KLHL18: variants seen among roughly 807,000 people sequenced by gnomAD.
The protein encoded by KLHL18 is kelch-like protein 18.
KLHL18 carries 38 observed loss-of-function variants against 58.5 expected under a neutral mutation model. The ratio of observed to expected loss-of-function variants is 0.65; its 90% CI spans 0.50 to 0.85. The LOEUF (loss-of-function observed/expected upper bound fraction) is 0.85. KLHL18 is among the 40% of genes least tolerant of loss of function. The pLI, the probability that KLHL18 is intolerant of heterozygous loss-of-function variation, is 0.00. For synonymous variants in KLHL18, 303 were observed against 301.9 expected (o/e 1.00, Z -0.04); for missense variants, 624 against 778.4 (o/e 0.80, Z 2.36).
intron 4 of KLHL18, among the ~76,000 whole-genome samples, chr3:47,332,298 T>A (rs1244565465): frequency 6.6e-6 from 1 of 151,386 alleles, no homozygotes; most frequent in Admixed American, 6.6e-5. Flanking sequence ...GAGGTTGAGG[T>A]GAGCTGAGAT....
chr3:47,311,351 C>T (rs919531602), intron 1 of KLHL18, among the ~76,000 whole-genome samples: 1 of 152,032 alleles, frequency 6.6e-6, no homozygotes, highest in African/African-American at 2.4e-5. Context: ...TCATGGAAGC[C>T]ACTGATCTCA....
In KLHL18 at chr3:47,330,164, TAGC is replaced by T. The variant is rs769941532; in HGVS notation, c.600+18_600+20del. On this transcript the variant is annotated intron_variant, in intron 4 of 9. Transcript: ENST00000232766. ...CTGAGGAGCAGGTATGTGAGCCCAGTAGCAGTCTGTGCAGGTGACATGAGATGC... is the reference window on the plus strand; with the variant it reads ...CTGAGGAGCAGGTATGTGAGCCCAGTAGTCTGTGCAGGTGACATGAGATGC... 1 of 1,611,196 alleles carries T rather than the reference TAGC, an allele frequency of 6.2e-7. No homozygotes were observed. Among genetic ancestry groups the T allele is most frequent in the Non-Finnish European group, 8.5e-7 (1 of 1,177,402 alleles).
chr3:47,293,356 A>G (rs193085451), intron 1 of KLHL18, among the ~76,000 whole-genome samples: 1 of 152,368 alleles, frequency 6.6e-6, no homozygotes, highest in Non-Finnish European at 1.5e-5. Context: ...GAGATTGCTT[A>G]TAGTGCTTTG....
At chr3:47,284,466 G>A (rs1702616910) in intron 1 of KLHL18, among the ~76,000 whole-genome samples, 1 of 151,062 alleles carries the variant, frequency 6.6e-6, no homozygotes, top group Non-Finnish European at 1.5e-5. Flanking sequence ...CTCCCCAGCA[G>A]CTGGGACTAC....
At chr3:47,304,292 G>A (rs866931854) in intron 1 of KLHL18, among the ~76,000 whole-genome samples, 2 of 151,736 alleles carry the variant, frequency 1.3e-5, no homozygotes, top group Non-Finnish European at 2.9e-5. Flanking sequence ...ATCAGTTGAG[G>A]CCAAGAATTC....
chr3:47,339,145 G>C (rs998369235), intron 7 of KLHL18, among the ~76,000 whole-genome samples: 2 of 152,168 alleles, frequency 1.3e-5, no homozygotes, highest in Non-Finnish European at 2.9e-5. Context: ...ATGGCTGCCT[G>C]TCTGTACAGT....
chr3:47,299,873 C>A (rs2107593093), intron 1 of KLHL18, among the ~76,000 whole-genome samples: 1 of 149,696 alleles, frequency 6.7e-6, no homozygotes, highest in Non-Finnish European at 1.5e-5. Context: ...AGATAAAAAC[C>A]CTACCTAAGT....
At position 47,334,662 on chromosome 3, in the gene KLHL18, G is replaced by T; in HGVS notation, c.762-21G>T. ...AGTCAGGGGGATACCTCCTGTTCTA[G>T]CATCTTCCACCTTATTCTAGGGACC... On this transcript the variant is annotated intron_variant, in intron 5 of 9. Transcript: ENST00000232766. This position sits in a 1 kb window ranked among gnomAD's most constrained non-coding sequence, Gnocchi z 4.7. 2 of 1,613,802 alleles carry T rather than the reference G, an allele frequency of 1.2e-6. No homozygotes were observed. The highest frequency in any genetic ancestry group is 1.7e-6 in the Non-Finnish European group (2 of 1,179,774).
At position 47,336,645 on chromosome 3, in the gene KLHL18, C is replaced by T. The variant is rs1179946749; in HGVS notation, c.1009C>T (p.Leu337Phe). Residue 337 changes from leucine to phenylalanine, a missense_variant, in exon 7 of 10, where the codon CTT becomes TTT. Coordinates refer to ENST00000232766, the MANE Select transcript of KLHL18 (RefSeq NM_025010.5). ...SRVGVAVVNG[L>F]LYAIGGYDGQ... The stretch of plus-strand genomic sequence containing the variant: ...CGTTGGCGTGGCTGTGGTGAACGGG[C>T]TTCTCTATGCCATCGGAGGATATGA... The T allele has an allele frequency of 6.2e-7, 1 of 1,614,244 alleles. No individual in the cohort carries two copies. Among genetic ancestry groups the T allele is most frequent in the East Asian group, 2.2e-5 (1 of 44,884 alleles).
chr3:47,285,570 AAG>A (rs1489368565), intron 1 of KLHL18, among the ~76,000 whole-genome samples: 1 of 151,834 alleles, frequency 6.6e-6, no homozygotes, highest in African/African-American at 2.4e-5. Context: ...AAAAAAAAAA[AAG>A]ATTTAGGCTG....
At chr3:47,329,865 G>T in intron 3 of KLHL18, 86 bp from the exon 4 acceptor site, 1 of 1,125,632 alleles carries the variant, frequency 8.9e-7, no homozygotes. Context: ...TTTTCATTCT[G>T]TGGCTCTACC....
chr3:47,289,716 A>C (rs1234884763), intron 1 of KLHL18, among the ~76,000 whole-genome samples: 1 of 152,186 alleles, frequency 6.6e-6, no homozygotes, highest in African/African-American at 2.4e-5. Context: ...CCAGGAGGTC[A>C]AGGCTGCAGT....
At chr3:47,304,214 A>T (rs1256859958) in intron 1 of KLHL18, among the ~76,000 whole-genome samples, 4 of 152,214 alleles carry the variant, frequency 2.6e-5, no homozygotes, top group Non-Finnish European at 4.4e-5. Context: ...TTTTAGAATA[A>T]TATCATCTAT....
intron 1 of KLHL18, among the ~76,000 whole-genome samples, chr3:47,313,589 G>A (rs543854115): frequency 6.6e-6 from 1 of 152,252 alleles, no homozygotes; most frequent in African/African-American, 2.4e-5. Context: ...CAGAGGAACT[G>A]AAAGTACAAT....
chr3:47,312,770 C>A (rs1002020123), intron 1 of KLHL18, among the ~76,000 whole-genome samples: 1 of 152,128 alleles, frequency 6.6e-6, no homozygotes. Flanking sequence ...GCCTCAAACT[C>A]CTAGTAGCTG....
intron 1 of KLHL18, among the ~76,000 whole-genome samples, chr3:47,291,871 G>C (rs1460042435): frequency 6.6e-6 from 1 of 152,232 alleles, no homozygotes; most frequent in South Asian, 2.1e-4. Context: ...TAACATAGAA[G>C]TTACTGTTAA....
At chr3:47,317,482 G>A (rs1372560468) in intron 1 of KLHL18, among the ~76,000 whole-genome samples, 1 of 152,118 alleles carries the variant, frequency 6.6e-6, no homozygotes, top group Non-Finnish European at 1.5e-5. Context: ...CAGGAAACGG[G>A]GGTGTTAGTA....
At position 47,342,873 on chromosome 3, in the gene KLHL18, CTT is replaced by C. The variant is rs764864792; in HGVS notation, c.1338+45_1338+46del. The C allele has an allele frequency of 5.5e-5, 77 of 1,387,834 alleles. No homozygotes were observed. In the African/African-American group the frequency reaches 1.0e-3, roughly 18 times the overall value. The allele number at this position is 1,387,834 out of a possible 1,614,324, so 86.0% of individuals were successfully genotyped here. On this transcript the variant is annotated intron_variant, in intron 9 of 9. Transcript: ENST00000232766. ...CTGGGATAAGGGTACCTACTTCTGTCTTTGAGATTTATTTTAGAAGATCATTA... is the reference window on the plus strand; with the variant it reads ...CTGGGATAAGGGTACCTACTTCTGTCTGAGATTTATTTTAGAAGATCATTA...
Position 47,330,128 on chromosome 3 carries a change from G to A in KLHL18, c.579G>A (p.Leu193=). ...TTGAGCTGGTGTCTCGGGATGAGCT[G>A]AATGTCAAATCTGAGGAGCAGGTAT... The part of the protein sequence containing the change: ...DVLELVSRDE[L]NVKSEEQVFE... Residue 193 remains leucine (L), a synonymous_variant, in exon 4 of 10, where the codon CTG becomes CTA. Coordinates refer to ENST00000232766, the MANE Select transcript of KLHL18 (RefSeq NM_025010.5). 1 of 1,614,132 alleles carries A rather than the reference G, an allele frequency of 6.2e-7. No individual in the cohort carries two copies. Among genetic ancestry groups the A allele is most frequent in the Non-Finnish European group, 8.5e-7 (1 of 1,180,022 alleles).
Sources: allele counts gnomAD v4.1 joint callset (sites outside exome capture counted in the v4.1 genomes callset), GRCh38; gene constraint gnomAD v4.1.1; non-coding constraint Gnocchi (gnomAD v3.1); transcripts MANE v1.5; gene names NCBI Gene and HGNC (gene_info 2026-07-23, HGNC 2026-07-21).